The following HECW2 variants were observed in gnomAD, a reference collection of about 807,000 sequenced individuals.
HECW2 encodes the protein HECT, C2 and WW domain containing E3 ubiquitin protein ligase 2.
HECW2 carries 61 observed loss-of-function variants against 175.2 expected under a neutral mutation model. The observed-to-expected ratio is 0.35, with a 90% CI of 0.28 to 0.43. The LOEUF (loss-of-function observed/expected upper bound fraction) is 0.43, where lower values mean the gene tolerates loss of function less well. Among genes scored for constraint, HECW2 ranks in the 20% least tolerant of loss-of-function variants. The pLI, the probability that HECW2 is intolerant of heterozygous loss-of-function variation, is 1.00. For synonymous variants in HECW2, 671 were observed against 731.0 expected, an observed-to-expected ratio of 0.92 and a Z score of 1.32; for missense variants, 1,524 against 2,000.5, an observed-to-expected ratio of 0.76 and a Z score of 4.54.
intron 1 of HECW2, among the ~76,000 whole-genome samples, chr2:196,575,272 G>A (rs570005509): frequency 6.6e-6 from 1 of 151,908 alleles, no homozygotes; most frequent in Non-Finnish European, 1.5e-5. Flanking sequence ...GACAATATTG[G>A]CAAGAATTTG....
intron 19 of HECW2, among the ~76,000 whole-genome samples, chr2:196,249,675 A>G (rs1371906522): frequency 6.6e-6 from 1 of 152,212 alleles, no homozygotes; most frequent in African/African-American, 2.4e-5. Context: ...ATTTTATTCA[A>G]AGGAACAGAA....
intron 20 of HECW2, among the ~76,000 whole-genome samples, chr2:196,241,455 T>G (rs935616446): frequency 1.5e-4 from 23 of 152,096 alleles, no homozygotes; most frequent in Admixed American, 1.5e-3. Flanking sequence ...GGTGCTCCAG[T>G]GGAGACCGTC....
At chr2:196,379,140 T>C (rs528250496) in intron 2 of HECW2, among the ~76,000 whole-genome samples, 33 of 151,430 alleles carry the variant, frequency 2.2e-4, no homozygotes, top group African/African-American at 7.5e-4. Flanking sequence ...CAGTTGTCAC[T>C]GGCACTGTGA....
At chr2:196,503,232 C>G (rs1449932535) in intron 1 of HECW2, among the ~76,000 whole-genome samples, 4 of 152,174 alleles carry the variant, frequency 2.6e-5, no homozygotes, top group Non-Finnish European at 5.9e-5. Context: ...CCCCAAACAA[C>G]CCCAAGAAAC....
intron 1 of HECW2, among the ~76,000 whole-genome samples, chr2:196,500,466 GAA>G (rs1034263496): frequency 9.9e-5 from 15 of 151,722 alleles, no homozygotes; most frequent in Non-Finnish European, 1.3e-4. Context: ...CCCACTGCTA[GAA>G]AAAAAAGAGT....
intron 1 of HECW2, among the ~76,000 whole-genome samples, chr2:196,457,977 T>C (rs938681441): frequency 6.6e-6 from 1 of 151,946 alleles, no homozygotes; most frequent in African/African-American, 2.4e-5. Flanking sequence ...TACTCTACAA[T>C]ACTGGGAACT....
chr2:196,355,462 C>G (rs537545946), intron 2 of HECW2, among the ~76,000 whole-genome samples: 77 of 152,176 alleles, frequency 5.1e-4, no homozygotes, highest in Non-Finnish European at 3.7e-4. Context: ...TCAATCCTAT[C>G]CCCTGTAACA....
chr2:196,297,314 T>G (rs576249597), intron 13 of HECW2, among the ~76,000 whole-genome samples: 3 of 152,214 alleles, frequency 2.0e-5, no homozygotes, highest in Non-Finnish European at 4.4e-5. Context: ...AAATAAGCAC[T>G]TGATGGTTGA....
chr2:196,461,075 T>C (rs923942081), intron 1 of HECW2, among the ~76,000 whole-genome samples: 6 of 151,966 alleles, frequency 3.9e-5, no homozygotes, highest in African/African-American at 1.2e-4. Context: ...GAGTAAACAG[T>C]TGTAATAGAT....
intron 1 of HECW2, among the ~76,000 whole-genome samples, chr2:196,470,294 C>CA (rs879481922): frequency 9.5e-4 from 124 of 130,920 alleles, no homozygotes; most frequent in African/African-American, 2.1e-3. Flanking sequence ...ACCTTGTCTC[C>CA]AAAAAAAAAA....
intron 28 of HECW2, among the ~76,000 whole-genome samples, chr2:196,209,229 G>A (rs1273636698): frequency 6.6e-6 from 1 of 152,196 alleles, no homozygotes; most frequent in Admixed American, 6.5e-5. Flanking sequence ...CAGCAACAAT[G>A]CTGATGGAAT....
intron 2 of HECW2, among the ~76,000 whole-genome samples, chr2:196,421,837 TA>T (rs1451052762): frequency 6.6e-6 from 1 of 152,150 alleles, no homozygotes. Flanking sequence ...GTCAATATGT[TA>T]AAGCATAAAA....
chr2:196,477,950 G>C (rs1486907245), intron 1 of HECW2, among the ~76,000 whole-genome samples: 1 of 152,168 alleles, frequency 6.6e-6, no homozygotes, highest in East Asian at 1.9e-4. Flanking sequence ...TACTAGGGGG[G>C]CTGAGGCAGA....
chr2:196,270,709 ATT>A (rs11306668), intron 17 of HECW2, among the ~76,000 whole-genome samples: 1 of 150,184 alleles, frequency 6.7e-6, no homozygotes, highest in Non-Finnish European at 1.5e-5. Flanking sequence ...ACCTTTATTT[ATT>A]TTTTTTTTGA....
In HECW2 at chr2:196,198,844, G is replaced by A. The variant is rs1036478805; in HGVS notation, c.*2433C>T. 3 of 152,092 alleles carry A rather than the reference G, an allele frequency of 2.0e-5. No homozygotes were observed. Among genetic ancestry groups the A allele is most frequent in the Non-Finnish European group, 4.4e-5 (3 of 67,992 alleles). 9.4% of individuals were successfully genotyped at this position (152,092 alleles called of 1,614,324 possible). A position where few individuals can be genotyped will look rare whatever the true frequency, so the allele number is the denominator to read the frequency against. On this transcript the variant is annotated 3_prime_UTR_variant, in exon 29 of 29. Transcript: ENST00000644978. ...AAAGAATAATAGATAAGTTAGCATG[G>A]TGTTCTGATATGATAAGTACATCTT...
intron 1 of HECW2, among the ~76,000 whole-genome samples, chr2:196,537,827 T>C (rs1689071407): frequency 6.6e-6 from 1 of 152,186 alleles, no homozygotes. Context: ...TCTTGCAAAA[T>C]ATAGCAATTG....
chr2:196,565,744 C>A (rs138084109), intron 1 of HECW2, among the ~76,000 whole-genome samples: 1 of 152,130 alleles, frequency 6.6e-6, no homozygotes, highest in Non-Finnish European at 1.5e-5. Context: ...ATAAAGTTAT[C>A]TTTCTTTATT....
intron 5 of HECW2, 103 bp from the exon 6 acceptor site, chr2:196,325,252 TTC>T: frequency 1.2e-6 from 1 of 809,720 alleles, no homozygotes; most frequent in South Asian, 1.9e-5. Flanking sequence ...GAAGGAAGGA[TTC>T]ATATGTCCTG....
intron 1 of HECW2, among the ~76,000 whole-genome samples, chr2:196,544,814 G>A (rs952977297): frequency 2.6e-5 from 4 of 152,008 alleles, no homozygotes; most frequent in Non-Finnish European, 4.4e-5. Flanking sequence ...GAATTCAACA[G>A]TAAAGAACAG....
Sources: gnomAD v4.1 joint callset for allele counts (sites outside exome capture counted in the v4.1 genomes callset) on GRCh38, gnomAD v4.1.1 for gene constraint, MANE v1.5 for transcripts, NCBI Gene and HGNC (gene_info 2026-07-23, HGNC 2026-07-21) for gene names.